The following RAPGEF4 variants were observed in gnomAD, a reference collection of about 807,000 sequenced individuals.
RAPGEF4 encodes the protein RAP guanine-nucleotide-exchange factor (GEF) 4.
RAPGEF4 carries 66 observed loss-of-function variants against 147.9 expected under a neutral mutation model. The observed-to-expected ratio is 0.45, with a 90% CI of 0.37 to 0.55. RAPGEF4 has a LOEUF of 0.55. RAPGEF4 is among the 20% of genes least tolerant of loss of function. The pLI is 0.00. For missense variants in RAPGEF4, 1,071 were observed against 1,257.3 expected (o/e 0.85, Z 2.24); for synonymous variants, 419 against 442.7 (o/e 0.95, Z 0.67).
intron 4 of RAPGEF4, among the ~76,000 whole-genome samples, chr2:172,901,240 A>G (rs1699029658): frequency 1.3e-5 from 2 of 152,260 alleles, no homozygotes; most frequent in Non-Finnish European, 2.9e-5. Flanking sequence ...TTCCGAGAGC[A>G]CAGACTGGGC....
chr2:172,830,236 G>A (rs930916264), intron 4 of RAPGEF4, among the ~76,000 whole-genome samples: 4 of 152,146 alleles, frequency 2.6e-5, no homozygotes, highest in African/African-American at 9.7e-5. Flanking sequence ...AAGCTTTAAG[G>A]CTTTGACTCT....
At chr2:172,738,705 T>C (rs1171287771) in intron 1 of RAPGEF4, among the ~76,000 whole-genome samples, 2 of 152,146 alleles carry the variant, frequency 1.3e-5, no homozygotes, top group South Asian at 4.1e-4. Flanking sequence ...AATGAACCCA[T>C]GTGGGTTCAC....
At chr2:172,997,072 T>G (rs1693443853) in intron 16 of RAPGEF4, among the ~76,000 whole-genome samples, 2 of 152,224 alleles carry the variant, frequency 1.3e-5, no homozygotes, top group Admixed American at 1.3e-4. Flanking sequence ...TATATTGTCT[T>G]ACAGTTCTAG....
At chr2:172,933,087 C>T (rs564957024) in intron 6 of RAPGEF4, among the ~76,000 whole-genome samples, 1 of 152,166 alleles carries the variant, frequency 6.6e-6, no homozygotes. Context: ...CAGTTTCATT[C>T]TTCTTCTTGG....
intron 6 of RAPGEF4, among the ~76,000 whole-genome samples, chr2:172,938,933 G>A (rs1686875474): frequency 6.6e-6 from 1 of 152,196 alleles, no homozygotes; most frequent in African/African-American, 2.4e-5. Context: ...ACATCATGCG[G>A]CATGTAGCCT....
Position 172,816,707 on chromosome 2 carries a change from G to A in RAPGEF4, c.444+2282G>A, listed in dbSNP as rs1267879130. 3.3e-5 allele frequency among the ~76,000 whole-genome samples: 5 copies of A among 152,294 alleles called. No homozygotes were observed. In the East Asian group the frequency reaches 5.8e-4, roughly 18 times the overall value. ...CCAACTCTTCCCCTGTAACCTCAGAGCATGATTTGTGATCTCCCTTGCCAG... is the reference window on the plus strand; with the variant it reads ...CCAACTCTTCCCCTGTAACCTCAGAACATGATTTGTGATCTCCCTTGCCAG... On this transcript the variant is annotated intron_variant, in intron 4 of 30. Coordinates refer to ENST00000397081, the MANE Select transcript of RAPGEF4 (RefSeq NM_007023.4).
chr2:173,017,143 T>C (rs749879492), intron 19 of RAPGEF4, 31 bp from the exon 20 acceptor site: 2 of 1,602,778 alleles, frequency 1.2e-6, no homozygotes, highest in South Asian at 2.2e-5. Context: ...AGCAATGGTA[T>C]TAAATAATGT....
chr2:172,951,064 A>T (rs1316326254), intron 6 of RAPGEF4, among the ~76,000 whole-genome samples: 1 of 152,274 alleles, frequency 6.6e-6, no homozygotes, highest in Non-Finnish European at 1.5e-5. Context: ...CATGGGCTTC[A>T]TGCAGTCATT....
At chr2:173,014,696 G>C (rs1250322356) in intron 18 of RAPGEF4, 82 bp downstream of exon 18, 1 of 1,324,500 alleles carries the variant, frequency 7.6e-7, no homozygotes, top group Non-Finnish European at 1.0e-6. Context: ...AGCTTCCCTG[G>C]AGAGACCGTA....
At chr2:172,966,069 T>G (rs1309860870) in intron 9 of RAPGEF4, among the ~76,000 whole-genome samples, 2 of 152,198 alleles carry the variant, frequency 1.3e-5, no homozygotes, top group Admixed American at 6.5e-5. Context: ...GACATGAAAG[T>G]AAGTAATGAA....
intron 4 of RAPGEF4, among the ~76,000 whole-genome samples, chr2:172,820,951 A>C (rs771702610): frequency 5.9e-5 from 9 of 152,196 alleles, no homozygotes; most frequent in Non-Finnish European, 1.3e-4. Context: ...TTCAAGCCAC[A>C]GTGAGAATAA....
At chr2:172,879,574 G>C (rs1328123933) in intron 4 of RAPGEF4, among the ~76,000 whole-genome samples, 1 of 152,120 alleles carries the variant, frequency 6.6e-6, no homozygotes, top group Non-Finnish European at 1.5e-5. Flanking sequence ...GCCGAGACGA[G>C]CAGATCACTT....
intron 4 of RAPGEF4, among the ~76,000 whole-genome samples, chr2:172,862,529 A>G (rs999231573): frequency 6.6e-6 from 1 of 152,204 alleles, no homozygotes; most frequent in Admixed American, 6.5e-5. Flanking sequence ...CTTTGAGAGC[A>G]GACACTTGGA....
At chr2:173,028,776 G>A (rs749086832) in intron 25 of RAPGEF4, among the ~76,000 whole-genome samples, 29 of 152,254 alleles carry the variant, frequency 1.9e-4, no homozygotes, top group Admixed American at 1.0e-3. Context: ...TTGAAACCTC[G>A]TGACAGTAGC....
chr2:173,020,559 G>A (rs906945827), intron 22 of RAPGEF4, 59 bp from the exon 23 acceptor site: 47 of 1,328,386 alleles, frequency 3.5e-5, no homozygotes, highest in Non-Finnish European at 5.1e-5. Context: ...TGTGATTAGG[G>A]CAGTGCAGCA....
chr2:172,806,844 C>G (rs988161770), intron 3 of RAPGEF4, among the ~76,000 whole-genome samples: 6 of 152,070 alleles, frequency 3.9e-5, no homozygotes, highest in Non-Finnish European at 8.8e-5. Context: ...TTTTATTTGC[C>G]TTCTCTTTTT....
intron 4 of RAPGEF4, among the ~76,000 whole-genome samples, chr2:172,858,914 A>G (rs1185821199): frequency 6.6e-6 from 1 of 152,112 alleles, no homozygotes; most frequent in Non-Finnish European, 1.5e-5. Context: ...GCGGTTGGGG[A>G]AGAACCTGAA....
At chr2:173,048,391 T>C (rs1412772193) in intron 29 of RAPGEF4, 1 of 1,111,338 alleles carries the variant, frequency 9.0e-7, no homozygotes, top group South Asian at 2.0e-5. Context: ...TTAATATTCC[T>C]TACCTGAAAA....
chr2:173,015,392 C>A (rs1234741981), intron 18 of RAPGEF4, among the ~76,000 whole-genome samples: 1 of 152,160 alleles, frequency 6.6e-6, no homozygotes, highest in Non-Finnish European at 1.5e-5. Flanking sequence ...AGGCAAAAGG[C>A]AATGTTACTT....
Sources: gnomAD v4.1 joint callset for allele counts (sites outside exome capture counted in the v4.1 genomes callset) on GRCh38, gnomAD v4.1.1 for gene constraint, MANE v1.5 for transcripts, NCBI Gene and HGNC (gene_info 2026-07-23, HGNC 2026-07-21) for gene names.